Variants in ADCYAP1R1 observed in about 807,000 individuals in gnomAD.
The protein encoded by ADCYAP1R1 is ADCYAP receptor type I, also known as pituitary adenylate cyclase-activating polypeptide type I receptor.
In ADCYAP1R1, 44 loss-of-function variants were observed where a neutral mutation model predicts 67.6. The ratio of observed to expected loss-of-function variants is 0.65; its 90% CI spans 0.51 to 0.84. The LOEUF (loss-of-function observed/expected upper bound fraction) is 0.84, where lower values mean the gene tolerates loss of function less well. Ranked by LOEUF, ADCYAP1R1 falls within the 40% of genes least tolerant of loss-of-function variation. The pLI is 0.00. For missense variants in ADCYAP1R1, 477 were observed against 587.9 expected, an observed-to-expected ratio of 0.81 and a Z score of 1.95; for synonymous variants, 222 against 219.6, an observed-to-expected ratio of 1.01 and a Z score of -0.10.
chr7:31,084,204 T>C lies in ADCYAP1R1; in HGVS notation c.392T>C (p.Phe131Ser), dbSNP rs778650249. The C allele has an allele frequency of 6.2e-7, 1 of 1,614,130 alleles. No homozygotes were observed. Among genetic ancestry groups the C allele is most frequent in the South Asian group, 1.1e-5 (1 of 91,070 alleles). Reference protein sequence around the residue: ...DGWSEPFPHYFDACGFDEYES... With the variant: ...DGWSEPFPHYSDACGFDEYES... ...TGGTCGGAACCCTTCCCTCATTACT[T>C]TGATGCCTGTGGGTTTGATGAATAT... The change falls in exon 7 of 16, where the codon TTT becomes TCT. Residue 131 changes from phenylalanine to serine, a missense_variant. Phe to Ser is a radical substitution (Grantham distance 155). Coordinates refer to ENST00000304166, the MANE Select transcript of ADCYAP1R1 (RefSeq NM_001118.5).
rs550826489 is a variant in ADCYAP1R1 at position 31,059,156 on chromosome 7, GATAATA to G, written c.-71-4031_-71-4026del. The stretch of plus-strand genomic sequence containing the variant: ...AAAAAGTCTGAACACAAAGTGGTGA[GATAATA>G]ATAATAGTTAACACATGTATAGCCC... On this transcript the variant is annotated intron_variant, in intron 1 of 15. Coordinates refer to ENST00000304166, the MANE Select transcript of ADCYAP1R1 (RefSeq NM_001118.5). Among the ~76,000 whole-genome samples the G allele has an allele frequency of 4.3e-3, 654 of 152,270 alleles. 6 individuals are homozygous for G. Among genetic ancestry groups the G allele is most frequent in the African/African-American group, 0.015 (615 of 41,546 alleles).
intron 7 of ADCYAP1R1, among the ~76,000 whole-genome samples, 168 bp from the exon 8 acceptor site, chr7:31,084,569 T>G (rs918983943): frequency 1.1e-4 from 16 of 152,144 alleles, no homozygotes; most frequent in African/African-American, 3.9e-4. Flanking sequence ...ACCAAGAGGC[T>G]TGGCCAGGGG....
chr7:31,054,095 C>G (rs1270714154), intron 1 of ADCYAP1R1, among the ~76,000 whole-genome samples: 1 of 152,140 alleles, frequency 6.6e-6, no homozygotes, highest in East Asian at 1.9e-4. Flanking sequence ...GCAGAGGCAC[C>G]AGCTTGGACA....
Position 31,085,373 on chromosome 7 carries a change from G to A in ADCYAP1R1, c.600G>A (p.Ala200=), listed in dbSNP as rs759827399. The A allele has an allele frequency of 1.2e-5, 19 of 1,614,068 alleles. No individual in the cohort carries two copies. The highest frequency in any genetic ancestry group is 1.7e-4 in the Middle Eastern group (1 of 6,034). ...MNLFVSFMLR[A]ISVFIKDWIL... is the part of the protein sequence containing the mutation. ...TGTTTGTGTCGTTCATGCTGAGGGC[G>A]ATCTCCGTCTTCATCAAAGACTGGA... Residue 200 remains alanine (A), a synonymous_variant, in exon 9 of 16, where the codon GCG becomes GCA. Coordinates refer to ENST00000304166, the MANE Select transcript of ADCYAP1R1 (RefSeq NM_001118.5).
chr7:31,099,162 A>G (rs749944140), intron 13 of ADCYAP1R1, among the ~76,000 whole-genome samples: 48 of 152,212 alleles, frequency 3.2e-4, no homozygotes, highest in Non-Finnish European at 6.0e-4. Context: ...AGGAGAATGT[A>G]GAGTGAGACT....
At chr7:31,093,134 G>A (rs1369039384) in intron 13 of ADCYAP1R1, among the ~76,000 whole-genome samples, 3 of 152,132 alleles carry the variant, frequency 2.0e-5, no homozygotes, top group African/African-American at 4.8e-5. Context: ...CTGATATTCC[G>A]ACCCCCAGCC....
intron 1 of ADCYAP1R1, 58 bp from the exon 2 acceptor site, chr7:31,063,136 T>A (rs1232177096): frequency 1.9e-6 from 2 of 1,070,980 alleles, no homozygotes; most frequent in Non-Finnish European, 2.8e-6. Context: ...AGGGAGGTGG[T>A]CTTGCCCCCG....
At chr7:31,093,759 A>T (rs1796067863) in intron 13 of ADCYAP1R1, among the ~76,000 whole-genome samples, 1 of 152,078 alleles carries the variant, frequency 6.6e-6, no homozygotes, top group African/African-American at 2.4e-5. Flanking sequence ...CATTGGGTCC[A>T]TGGTCCTGCC....
chr7:31,085,534 C>A lies in ADCYAP1R1; in HGVS notation c.669+92C>A, dbSNP rs1795709206. 8 of 1,417,940 alleles carry A rather than the reference C, an allele frequency of 5.6e-6. No homozygotes were observed. The Admixed American group carries it at 1.4e-4, about 25-fold the overall frequency. The allele number at this position is 1,417,940 out of a possible 1,614,324, so 87.8% of individuals were successfully genotyped here. A position where few individuals can be genotyped will look rare whatever the true frequency, so the allele number is the denominator to read the frequency against. On this transcript the variant is annotated intron_variant, in intron 9 of 15. Transcript: ENST00000304166. ...CAGGACGCACATTACCTGCCTGACA[C>A]CCTGCAGATCAAGTGTGTCCCTGCA...
At chr7:31,080,776 C>T in intron 5 of ADCYAP1R1, 143 bp downstream of exon 5, 1 of 820,786 alleles carries the variant, frequency 1.2e-6, no homozygotes. Flanking sequence ...TTCTTTCCTC[C>T]TTCCTTCCTC....
At chr7:31,087,791 G>C in intron 12 of ADCYAP1R1, 95 bp downstream of exon 12, 1 of 935,630 alleles carries the variant, frequency 1.1e-6, no homozygotes, top group East Asian at 2.5e-5. Flanking sequence ...CACACAACCT[G>C]ACTTCCTCCT....
chr7:31,092,225 A>G (rs766215286), intron 12 of ADCYAP1R1, among the ~76,000 whole-genome samples: 1 of 151,014 alleles, frequency 6.6e-6, no homozygotes. Flanking sequence ...CCCTTTAATT[A>G]GCAATGCTTA....
chr7:31,086,917 C>G lies in ADCYAP1R1; in HGVS notation c.824-26C>G. On this transcript the variant is annotated intron_variant, in intron 10 of 15. Transcript: ENST00000304166. The surrounding 1 kb of genome is among the most constrained non-coding windows in gnomAD (Gnocchi z 5.0). ...GGACATGTTGGTTTTCCTGTTCTCA[C>G]GGACCTCTTTTTCTTGTTCTCCCAG... The G allele has an allele frequency of 6.2e-7, 1 of 1,613,530 alleles. No individual in the cohort carries two copies. The highest frequency in any genetic ancestry group is 8.5e-7 in the Non-Finnish European group (1 of 1,179,444).
In ADCYAP1R1 at chr7:31,086,853, G is replaced by C; in HGVS notation, c.824-90G>C. On this transcript the variant is annotated intron_variant, in intron 10 of 15. Transcript: ENST00000304166. The surrounding 1 kb of genome is among the most constrained non-coding windows in gnomAD (Gnocchi z 5.0). ...CAGGAATTCCAAGTCTCATGGGGGA[G>C]CAATAGCCTCTCGGAGCCCCAGGTC... 7.4e-7 allele frequency: 1 copy of C among 1,350,064 alleles called. No individual in the cohort carries two copies. Among genetic ancestry groups the C allele is most frequent in the Non-Finnish European group, 1.1e-6 (1 of 941,636 alleles). The allele number at this position is 1,350,064 out of a possible 1,614,324, so 83.6% of individuals were successfully genotyped here.
intron 1 of ADCYAP1R1, among the ~76,000 whole-genome samples, chr7:31,054,225 C>G (rs1023531038): frequency 6.6e-6 from 1 of 152,126 alleles, no homozygotes; most frequent in African/African-American, 2.4e-5. Flanking sequence ...GGGCCTGATA[C>G]TTTTCCTCTT....
rs1167698089 is a variant in ADCYAP1R1, at chr7:31,063,309, G to A, written c.45G>A (p.Leu15=). The A allele has an allele frequency of 6.8e-6, 11 of 1,614,186 alleles. No homozygotes were observed. The highest frequency in any genetic ancestry group is 8.5e-6 in the Non-Finnish European group (10 of 1,180,030). The change falls in exon 2 of 16, where the codon CTG becomes CTA. Residue 15 remains leucine, a synonymous_variant. Transcript: ENST00000304166. ...VHVSLAALLL[L]PMAPAMHSDC... ...TTTCCCTGGCTGCTCTCCTCCTGCT[G>A]CCTATGGTAAGGGCCCAGGAACATC...
intron 12 of ADCYAP1R1, among the ~76,000 whole-genome samples, chr7:31,089,140 C>T (rs1019667194): frequency 6.6e-6 from 1 of 152,052 alleles, no homozygotes; most frequent in Non-Finnish European, 1.5e-5. Context: ...ATTGTATTTT[C>T]TAATGGGCTA....
In ADCYAP1R1 at chr7:31,108,505, G is replaced by A. The variant is rs1298269679; in HGVS notation, c.*1821G>A. ...ATTTTGGGCACTGCTAGGGGGTCTG[G>A]GCTGCTTGGAAGGAGCCATGGCCTA... On this transcript the variant is annotated 3_prime_UTR_variant, in exon 16 of 16. Transcript: ENST00000304166. The A allele has an allele frequency of 6.6e-6, 1 of 152,246 alleles. No homozygotes were observed. The highest frequency in any genetic ancestry group is 2.4e-5 in the African/African-American group (1 of 41,432). 9.4% of individuals were successfully genotyped at this position (152,246 alleles called of 1,614,324 possible).
intron 15 of ADCYAP1R1, 104 bp downstream of exon 15, chr7:31,105,013 G>A (rs1338383550): frequency 2.6e-6 from 3 of 1,160,568 alleles, no homozygotes; most frequent in African/African-American, 3.0e-5. Context: ...CTTCAGAGAG[G>A]GCTCTGCCAG....
Sources: gnomAD v4.1 joint callset for allele counts (sites outside exome capture counted in the v4.1 genomes callset) on GRCh38, gnomAD v4.1.1 for gene constraint, Gnocchi (gnomAD v3.1) non-coding constraint, MANE v1.5 for transcripts, NCBI Gene and HGNC (gene_info 2026-07-23, HGNC 2026-07-21) for gene names.